The following ZBTB7A variants were observed in gnomAD, a reference collection of about 807,000 sequenced individuals.
The protein encoded by ZBTB7A is zinc finger and BTB domain-containing protein 7A.
In ZBTB7A, 7 loss-of-function variants were observed where a neutral mutation model predicts 26.7. The ratio of observed to expected loss-of-function variants is 0.26; its 90% CI spans 0.15 to 0.49. ZBTB7A has a LOEUF of 0.49. Among genes scored for constraint, ZBTB7A ranks in the 20% least tolerant of loss-of-function variants. The probability of loss-of-function intolerance (pLI) is 0.98; values close to 1 mark genes in which losing one functional copy is unlikely to be tolerated. For synonymous variants in ZBTB7A, 452 were observed against 441.0 expected, an observed-to-expected ratio of 1.02 and a Z score of -0.31; for missense variants, 617 against 919.5, an observed-to-expected ratio of 0.67 and a Z score of 4.25.
At chr19:4,058,877 G>A (rs1167630597) in intron 1 of ZBTB7A, among the ~76,000 whole-genome samples, 11 of 152,166 alleles carry the variant, frequency 7.2e-5, no homozygotes, top group Admixed American at 3.9e-4. Flanking sequence ...CCCTCCACCC[G>A]CCTTCCTTCC....
At chr19:4,062,205 G>C (rs911298756) in intron 1 of ZBTB7A, 1 of 152,240 alleles carries the variant, frequency 6.6e-6, no homozygotes, top group African/African-American at 2.4e-5. Flanking sequence ...GAAAGGCGTG[G>C]GTGGCGACAC....
In ZBTB7A at chr19:4,046,973, G is replaced by A. The variant is rs1041146449; in HGVS notation, c.*779C>T. 2 of 151,928 alleles carry A rather than the reference G, an allele frequency of 1.3e-5. No homozygotes were observed. Among genetic ancestry groups the A allele is most frequent in the African/African-American group, 4.8e-5 (2 of 41,368 alleles). The allele number at this position is 151,928 out of a possible 1,614,324, so 9.4% of individuals were successfully genotyped here. On this transcript the variant is annotated 3_prime_UTR_variant, in exon 3 of 3. Coordinates refer to ENST00000322357, the MANE Select transcript of ZBTB7A (RefSeq NM_015898.4). ...AGGGGTGGTCCCTGGGGGTCCCGCCGGTTGTAAGTGCCGTGAAGGAAGGCG... is the reference window on the plus strand; with the variant it reads ...AGGGGTGGTCCCTGGGGGTCCCGCCAGTTGTAAGTGCCGTGAAGGAAGGCG...
chr19:4,055,721 GC>G (rs1477195540), intron 1 of ZBTB7A, among the ~76,000 whole-genome samples: 2 of 152,172 alleles, frequency 1.3e-5, no homozygotes, highest in African/African-American at 4.8e-5. Context: ...TACTCGGGAG[GC>G]TGAGGCAGGA....
rs2040414309 is a variant in ZBTB7A at position 4,046,200 on chromosome 19, C to T, written c.*1552G>A. On this transcript the variant is annotated 3_prime_UTR_variant, in exon 3 of 3. Transcript: ENST00000322357. ...GCGGGGGGAACACAGCACGAACACC[C>T]CACAGTCCTGCCTTCGAGGCTGACG... 7.6e-6 allele frequency: 3 copies of T among 397,262 alleles called. No homozygotes were observed. The South Asian group carries it at 4.2e-4, about 56-fold the overall frequency. The allele number at this position is 397,262 out of a possible 1,614,324, so 24.6% of individuals were successfully genotyped here.
chr19:4,066,642 C>CT (rs1314473449), intron 1 of ZBTB7A, 40 bp downstream of exon 1: 4 of 151,498 alleles, frequency 2.6e-5, no homozygotes, highest in Non-Finnish European at 5.9e-5. Flanking sequence ...CGTCCCCGCC[C>CT]TGCACCCCGT....
chr19:4,047,718 TC>T lies in ZBTB7A; in HGVS notation c.*33del. On this transcript the variant is annotated 3_prime_UTR_variant, in exon 3 of 3. Transcript: ENST00000322357. ...TTTTTTTTCTCTCTCTCTGTCTCTCTCTTTCTCGGGTTTCTGTTTTCTCTTT... is the reference window on the plus strand; with the variant it reads ...TTTTTTTTCTCTCTCTCTGTCTCTCTTTTCTCGGGTTTCTGTTTTCTCTTT... The T allele has an allele frequency of 6.3e-7, 1 of 1,576,048 alleles. No individual in the cohort carries two copies.
chr19:4,048,064 C>A lies in ZBTB7A; in HGVS notation c.1443G>T (p.Leu481=). The A allele has an allele frequency of 6.2e-7, 1 of 1,600,524 alleles. No homozygotes were observed. Among genetic ancestry groups the A allele is most frequent in the Non-Finnish European group, 8.5e-7 (1 of 1,174,826 alleles). ...AGCCGTCTTTCTTGAGGTGTCTGTG[C>A]AGGTGGTCGGAGCGGACGAAGGTCT... is the stretch of plus-strand genomic sequence containing the variant. ...CCKTFVRSDH[L]HRHLKKDGCN... Residue 481 remains leucine, a synonymous_variant, in exon 3 of 3, where the codon CTG becomes CTT. Coordinates refer to ENST00000322357, the MANE Select transcript of ZBTB7A (RefSeq NM_015898.4). The surrounding 1 kb of genome is among the most constrained non-coding windows in gnomAD (Gnocchi z 6.7).
rs2040371958 is a variant in ZBTB7A, at chr19:4,043,581, C to G, written c.*4171G>C. ...CCCCCATTCACCAGGCCTGGCCCCT[C>G]CAAAGTCCAAGGCACCTCGATTCTG... On this transcript the variant is annotated 3_prime_UTR_variant, in exon 3 of 3. Coordinates refer to ENST00000322357, the MANE Select transcript of ZBTB7A (RefSeq NM_015898.4). Among the ~76,000 whole-genome samples, 1 of 151,804 alleles carries G rather than the reference C, an allele frequency of 6.6e-6. No homozygotes were observed. The highest frequency in any genetic ancestry group is 2.1e-4 in the South Asian group (1 of 4,812).
Position 4,055,508 on chromosome 19 carries a change from T to C in ZBTB7A, c.-15-261A>G, listed in dbSNP as rs3760904. On this transcript the variant is annotated intron_variant, in intron 1 of 2. Coordinates refer to ENST00000322357, the MANE Select transcript of ZBTB7A (RefSeq NM_015898.4). ...TTAATACAGAGACAGGCTATCACCA[T>C]GTTGGCCAGGCTGGTCTCAAACCCC... is the stretch of plus-strand genomic sequence containing the variant. 8.9e-5 allele frequency: 88 copies of C among 984,438 alleles called. No individual in the cohort carries two copies. The East Asian group carries it at 2.6e-3, about 29-fold the overall frequency. The allele number at this position is 984,438 out of a possible 1,614,324, so 61.0% of individuals were successfully genotyped here.
chr19:4,054,588 G>C lies in ZBTB7A; in HGVS notation c.645C>G (p.Asn215Lys). 1 of 1,563,962 alleles carries C rather than the reference G, an allele frequency of 6.4e-7. No homozygotes were observed. Residue 215 changes from asparagine (N) to lysine (K), a missense_variant, in exon 2 of 3, where the codon AAC (asparagine) becomes AAG (lysine). Asn to Lys is a moderately conservative substitution (Grantham distance 94, BLOSUM62 0). Transcript: ENST00000322357. ...GGCCCGGCCCATAGAAGTCTAAGCC[G>C]TTGCAGTCGCCCGCGGCCACGGCGG... ...AVAAVAAGDCNGLDFYGPGPP... is the reference protein window; with the variant it reads ...AVAAVAAGDCKGLDFYGPGPP...
In ZBTB7A at chr19:4,054,950, C is replaced by A. The variant is rs1403665612; in HGVS notation, c.283G>T (p.Ala95Ser). 2.5e-6 allele frequency: 4 copies of A among 1,611,620 alleles called. No individual in the cohort carries two copies. Among genetic ancestry groups the A allele is most frequent in the Non-Finnish European group, 1.7e-6 (2 of 1,179,716 alleles). ...TTGGCTGTGCTGACGGTGAGCGTGG[C>A]CGTGTAGGCGAAGTCCATGAGCGCG... ...LTALMDFAYT[A>S]TLTVSTANVG... Residue 95 changes from alanine (A) to serine (S), a missense_variant, in exon 2 of 3, where the codon GCC (alanine) becomes TCC (serine). Physicochemically the swap from Ala to Ser is moderately conservative, Grantham distance 99. Transcript: ENST00000322357.
At chr19:4,049,542 C>T (rs1032143458) in intron 2 of ZBTB7A, among the ~76,000 whole-genome samples, 2 of 152,104 alleles carry the variant, frequency 1.3e-5, no homozygotes, top group Non-Finnish European at 2.9e-5. Context: ...CCTGCCCTCT[C>T]GAGGCTGGCG....
At chr19:4,063,035 C>T (rs751255872) in intron 1 of ZBTB7A, among the ~76,000 whole-genome samples, 1 of 152,282 alleles carries the variant, frequency 6.6e-6, no homozygotes, top group East Asian at 1.9e-4. Flanking sequence ...AAGCTCGTTC[C>T]TCTTGTCCTT....
intron 1 of ZBTB7A, among the ~76,000 whole-genome samples, chr19:4,058,849 C>A (rs1177990173): frequency 6.6e-6 from 1 of 152,184 alleles, no homozygotes; most frequent in Non-Finnish European, 1.5e-5. Flanking sequence ...TTGCTCAGTG[C>A]CACCACGCTC....
At position 4,054,102 on chromosome 19, in the gene ZBTB7A, T is replaced by C; in HGVS notation, c.1131A>G (p.Arg377=). 6.2e-7 allele frequency: 1 copy of C among 1,610,146 alleles called. No homozygotes were observed. The highest frequency in any genetic ancestry group is 1.1e-5 in the South Asian group (1 of 91,082). Residue 377 remains arginine (R), a synonymous_variant, in exon 2 of 3, where the codon CGA becomes CGG. Coordinates refer to ENST00000322357, the MANE Select transcript of ZBTB7A (RefSeq NM_015898.4). ...AWSQKVEKKI[R]AKAFQKCPIC... ...TGGGGCACTTCTGGAAGGCCTTGGC[T>C]CGGATCTTCTTCTCCACCTTCTGCG...
chr19:4,053,586 C>T (rs529069413), intron 2 of ZBTB7A, among the ~76,000 whole-genome samples: 1 of 141,902 alleles, frequency 7.0e-6, no homozygotes, highest in South Asian at 2.3e-4. Flanking sequence ...TGTCGGTGTG[C>T]GTGTGTGTGC....
chr19:4,056,578 A>G (rs892692663), intron 1 of ZBTB7A, among the ~76,000 whole-genome samples: 3 of 152,268 alleles, frequency 2.0e-5, no homozygotes, highest in African/African-American at 7.2e-5. Context: ...TACTAAAAAT[A>G]CAAAAATTAG....
rs1361702346 is a variant in ZBTB7A, at chr19:4,052,880, C to T, written c.1262+1091G>A. On this transcript the variant is annotated intron_variant, in intron 2 of 2. Coordinates refer to ENST00000322357, the MANE Select transcript of ZBTB7A (RefSeq NM_015898.4). The surrounding 1 kb of genome is among the most constrained non-coding windows in gnomAD (Gnocchi z 4.9). ...AGGGCCTCTGCACTGGCTGTTCCCT[C>T]TGCCTGGAACGCCCTTTCCCACAGC... 6.6e-6 allele frequency among the ~76,000 whole-genome samples: 1 copy of T among 152,224 alleles called. No homozygotes were observed. The highest frequency in any genetic ancestry group is 1.5e-5 in the Non-Finnish European group (1 of 68,038).
chr19:4,043,452 C>G lies in ZBTB7A; in HGVS notation c.*4300G>C, dbSNP rs933592925. ...CCACTCCCAAAAAGTGCATTTTTAT[C>G]AGTTTTTTTTTTTTTTAAATCTCCC... On this transcript the variant is annotated 3_prime_UTR_variant, in exon 3 of 3. Transcript: ENST00000322357. Among the ~76,000 whole-genome samples, 80 of 90,036 alleles carry G rather than the reference C, an allele frequency of 8.9e-4. 1 individual carries two copies. Among genetic ancestry groups the G allele is most frequent in the African/African-American group, 3.6e-3 (80 of 22,356 alleles). 59.1% of individuals were successfully genotyped at this position (90,036 alleles called of 152,430 possible).
Sources: allele counts gnomAD v4.1 joint callset (sites outside exome capture counted in the v4.1 genomes callset), GRCh38; gene constraint gnomAD v4.1.1; non-coding constraint Gnocchi (gnomAD v3.1); transcripts MANE v1.5; gene names NCBI Gene and HGNC (gene_info 2026-07-23, HGNC 2026-07-21).